RYR2: variants seen among roughly 807,000 people sequenced by gnomAD.
RYR2 encodes cardiac muscle ryanodine receptor-calcium release channel.
A neutral mutation model predicts 601.1 loss-of-function variants in RYR2; 227 were observed. The observed-to-expected ratio is 0.38, with a 90% CI of 0.34 to 0.42. The LOEUF is 0.42. Among genes scored for constraint, RYR2 ranks in the 10% least tolerant of loss-of-function variants. The pLI, the probability that RYR2 is intolerant of heterozygous loss-of-function variation, is 1.00. For synonymous variants in RYR2, 2,223 were observed against 2,175.1 expected (o/e 1.02, Z -0.61); for missense variants, 4,646 against 6,156.5 (o/e 0.75, Z 8.21).
At chr1:237,749,110 T>C (rs1558337207) in intron 80 of RYR2, among the ~76,000 whole-genome samples, 1 of 152,222 alleles carries the variant, frequency 6.6e-6, no homozygotes, top group African/African-American at 2.4e-5. Flanking sequence ...CAGCATATAT[T>C]TGTGCACTTT....
Position 237,414,203 on chromosome 1 carries a change from C to T in RYR2, c.774-2846C>T, listed in dbSNP as rs141181467. ...ATATATGTGTGTATACACACACAGA[C>T]GTGCACAATGTCTATATTTTGTCAT... On this transcript the variant is annotated intron_variant, in intron 10 of 104. Transcript: ENST00000366574. Among the ~76,000 whole-genome samples, 621 of 147,630 alleles carry T rather than the reference C, an allele frequency of 4.2e-3. 17 individuals are homozygous for T. In the East Asian group the frequency reaches 0.061, roughly 15 times the overall value.
At chr1:237,065,431 C>G (rs1182536046) in intron 1 of RYR2, among the ~76,000 whole-genome samples, 2 of 144,926 alleles carry the variant, frequency 1.4e-5, no homozygotes, top group Non-Finnish European at 3.0e-5. Context: ...AGGCACCCAC[C>G]ACCACGCCTG....
chr1:237,270,181 A>G (rs990042068), intron 1 of RYR2: 7 of 435,466 alleles, frequency 1.6e-5, no homozygotes, highest in African/African-American at 1.4e-4. Context: ...AGTGACGATA[A>G]TATGAAAATC....
At chr1:237,112,644 G>A (rs1395045660) in intron 1 of RYR2, among the ~76,000 whole-genome samples, 4 of 150,056 alleles carry the variant, frequency 2.7e-5, no homozygotes, top group African/African-American at 9.8e-5. Flanking sequence ...ACGACTTGAT[G>A]CTTTTTTGCT....
intron 80 of RYR2, among the ~76,000 whole-genome samples, chr1:237,752,489 A>G (rs987978073): frequency 1.3e-5 from 2 of 151,912 alleles, no homozygotes; most frequent in South Asian, 2.1e-4. Context: ...AAATTTAGGA[A>G]CCACTCGTTT....
At chr1:237,693,185 A>C (rs1687100339) in intron 63 of RYR2, among the ~76,000 whole-genome samples, 1 of 150,828 alleles carries the variant, frequency 6.6e-6, no homozygotes, top group Admixed American at 6.6e-5. Context: ...GTACCTAATT[A>C]TCCTACAATT....
At chr1:237,137,016 CAAAAAAAAAAAA>C (rs1167110660) in intron 1 of RYR2, among the ~76,000 whole-genome samples, 2 of 41,190 alleles carry the variant, frequency 4.9e-5, no homozygotes, top group African/African-American at 1.6e-4. Flanking sequence ...GACTCCATCT[CAAAAAAAAAAAA>C]AAAAAAAAAA....
At chr1:237,708,740 T>G in intron 68 of RYR2, 118 bp from the exon 69 acceptor site, 1 of 884,278 alleles carries the variant, frequency 1.1e-6, no homozygotes, top group Non-Finnish European at 1.7e-6. Context: ...GCTGTACCCT[T>G]AAGGAAGTCA....
chr1:237,572,727 A>G (rs1028916195), intron 29 of RYR2, among the ~76,000 whole-genome samples: 1 of 152,160 alleles, frequency 6.6e-6, no homozygotes, highest in Admixed American at 6.5e-5. Flanking sequence ...TTATGTAGCA[A>G]TAATCATTAA....
In RYR2 at chr1:237,260,643, G is replaced by A. The variant is rs988055998; in HGVS notation, c.49-9854G>A. On this transcript the variant is annotated intron_variant, in intron 1 of 104. Coordinates refer to ENST00000366574, the MANE Select transcript of RYR2 (RefSeq NM_001035.3). The stretch of plus-strand genomic sequence containing the variant: ...AGTCCAGGAGTTCTAGACCAGCCTG[G>A]GCAACATGGTGAGACCCTGTCTCTA... Among the ~76,000 whole-genome samples the A allele has an allele frequency of 2.0e-5, 3 of 151,918 alleles. No homozygotes were observed. The South Asian group carries it at 6.2e-4, about 32-fold the overall frequency.
chr1:237,314,118 G>T (rs548168845), intron 2 of RYR2, among the ~76,000 whole-genome samples: 1 of 133,088 alleles, frequency 7.5e-6, no homozygotes, highest in African/African-American at 2.7e-5. Flanking sequence ...AGGCTGGAGT[G>T]CAGTGGCACA....
At chr1:237,452,490 A>G (rs2127149) in intron 14 of RYR2, among the ~76,000 whole-genome samples, 74,697 of 143,972 alleles carry the variant, frequency 0.52, 20,774 homozygotes, top group East Asian at 0.73. Context: ...AATATATACT[A>G]TATATAATGT....
intron 1 of RYR2, among the ~76,000 whole-genome samples, chr1:237,142,107 C>T (rs1382137888): frequency 1.3e-5 from 2 of 152,222 alleles, no homozygotes; most frequent in African/African-American, 4.8e-5. Context: ...GCCCTGACTG[C>T]CTCCTTGGGT....
At chr1:237,801,767 A>G (rs1659998596) in intron 97 of RYR2, 89 bp from the exon 98 acceptor site, 1 of 733,406 alleles carries the variant, frequency 1.4e-6, no homozygotes, top group African/African-American at 1.7e-5. Context: ...GTCTTGTCCC[A>G]TTGAATGTGA....
At chr1:237,642,624 G>T (rs1408305097) in intron 47 of RYR2, among the ~76,000 whole-genome samples, 1 of 152,118 alleles carries the variant, frequency 6.6e-6, no homozygotes, top group African/African-American at 2.4e-5. Flanking sequence ...ATTATTTGAG[G>T]CCTCCTGTGT....
At chr1:237,508,597 G>T (rs1665511530) in intron 23 of RYR2, among the ~76,000 whole-genome samples, 1 of 151,986 alleles carries the variant, frequency 6.6e-6, no homozygotes, top group Non-Finnish European at 1.5e-5. Flanking sequence ...TTTTGCAGTG[G>T]AACCTTAGGT....
rs199807572 is a variant in RYR2, at chr1:237,569,340, G to GT, written c.3598+29dup. 165 of 1,606,836 alleles carry GT rather than the reference G, an allele frequency of 1.0e-4. 1 individual carries two copies. The African/African-American group carries it at 1.3e-3, about 12-fold the overall frequency. On this transcript the variant is annotated intron_variant, in intron 29 of 104. Coordinates refer to ENST00000366574, the MANE Select transcript of RYR2 (RefSeq NM_001035.3). ...CGATGGTAAGTCTACTATGTTTTGT[G>GT]TTTTTTTTAAGTTTGCAGCACAAGG...
intron 14 of RYR2, among the ~76,000 whole-genome samples, chr1:237,448,749 A>G (rs1657698241): frequency 6.6e-6 from 1 of 152,050 alleles, no homozygotes; most frequent in Non-Finnish European, 1.5e-5. Context: ...TAACTCTGGT[A>G]ATATTCTTTT....
At position 237,175,873 on chromosome 1, in the gene RYR2, G is replaced by A. The variant is rs540535421; in HGVS notation, c.49-94624G>A. Reference sequence around the variant, plus strand: ...AAGCCTATAGCAGGTTTACTTTTGTGCTCCATAGCATCAGCTCTGAGAATG... The same window carrying A: ...AAGCCTATAGCAGGTTTACTTTTGTACTCCATAGCATCAGCTCTGAGAATG... On this transcript the variant is annotated intron_variant, in intron 1 of 104. Transcript: ENST00000366574. Among the ~76,000 whole-genome samples, 143 of 152,256 alleles carry A rather than the reference G, an allele frequency of 9.4e-4. 1 individual carries two copies. Among genetic ancestry groups the A allele is most frequent in the African/African-American group, 3.3e-3 (138 of 41,554 alleles).
Sources: gnomAD v4.1 joint callset for allele counts (sites outside exome capture counted in the v4.1 genomes callset) on GRCh38, gnomAD v4.1.1 for gene constraint, MANE v1.5 for transcripts, NCBI Gene and HGNC (gene_info 2026-07-23, HGNC 2026-07-21) for gene names.